TANC1: variants seen among roughly 807,000 people sequenced by gnomAD.
TANC1 encodes the protein protein TANC1.
A neutral mutation model predicts 149.7 loss-of-function variants in TANC1; 77 were observed. The observed-to-expected ratio is 0.51, with a 90% CI of 0.43 to 0.62. The LOEUF (loss-of-function observed/expected upper bound fraction) is 0.62. Among genes scored for constraint, TANC1 ranks in the 20% least tolerant of loss-of-function variants. The pLI is 0.00. For missense variants in TANC1, 1,985 were observed against 2,321.8 expected (o/e 0.85, Z 2.98); for synonymous variants, 854 against 925.0 (o/e 0.92, Z 1.39).
intron 6 of TANC1, 47 bp from the exon 7 acceptor site, chr2:159,150,323 G>A (rs750044295): frequency 1.3e-6 from 2 of 1,497,546 alleles, no homozygotes; most frequent in Non-Finnish European, 1.8e-6. Context: ...ATGTGTCGAA[G>A]CATCCTGTGT....
chr2:159,106,081 T>G (rs2047150637), intron 4 of TANC1, among the ~76,000 whole-genome samples: 1 of 152,216 alleles, frequency 6.6e-6, no homozygotes, highest in African/African-American at 2.4e-5. Flanking sequence ...TTTTCCATTG[T>G]GATTTATTCC....
intron 22 of TANC1, 92 bp from the exon 23 acceptor site, chr2:159,224,140 C>T: frequency 6.9e-7 from 1 of 1,452,346 alleles, no homozygotes; most frequent in Non-Finnish European, 9.5e-7. Flanking sequence ...CATCTAAAAT[C>T]AGAGTGAAGC....
intron 3 of TANC1, among the ~76,000 whole-genome samples, chr2:159,077,436 T>C (rs926490982): frequency 2.5e-4 from 38 of 152,232 alleles, no homozygotes; most frequent in African/African-American, 9.2e-4. Flanking sequence ...TCTCTGCTTC[T>C]CTTTTCGCTC....
At position 159,057,903 on chromosome 2, in the gene TANC1, G is replaced by T. The variant is rs377212228; in HGVS notation, c.-15-7993G>T. Among the ~76,000 whole-genome samples the T allele has an allele frequency of 1.2e-3, 183 of 152,272 alleles. 1 individual carries two copies. Among genetic ancestry groups the T allele is most frequent in the African/African-American group, 4.3e-3 (178 of 41,560 alleles). On this transcript the variant is annotated intron_variant, in intron 2 of 26. Coordinates refer to ENST00000263635, the MANE Select transcript of TANC1 (RefSeq NM_033394.3). Reference sequence around the variant, plus strand: ...ATCTAAACATCTATGTAAATACCTGGATGATATACAGTACTAGTGACAATA... The same window carrying T: ...ATCTAAACATCTATGTAAATACCTGTATGATATACAGTACTAGTGACAATA...
At chr2:159,183,171 C>G (rs566019104) in intron 14 of TANC1, among the ~76,000 whole-genome samples, 2 of 152,160 alleles carry the variant, frequency 1.3e-5, no homozygotes, top group South Asian at 4.1e-4. Flanking sequence ...GTGGCTTGGC[C>G]TCATGGGCAG....
intron 3 of TANC1, among the ~76,000 whole-genome samples, chr2:159,088,849 C>T (rs1042537147): frequency 2.0e-5 from 3 of 152,226 alleles, no homozygotes; most frequent in East Asian, 3.9e-4. Context: ...GGAGGCCAGG[C>T]CATCTTATAT....
rs1330152215 is a variant in TANC1, at chr2:159,040,304, G to A, written c.-15-25592G>A. 3.3e-5 allele frequency among the ~76,000 whole-genome samples: 5 copies of A among 152,132 alleles called. No individual in the cohort carries two copies. In the South Asian group the frequency reaches 6.2e-4, roughly 19 times the overall value. On this transcript the variant is annotated intron_variant, in intron 2 of 26. Transcript: ENST00000263635. Reference sequence around the variant, plus strand: ...GTATTTCCTGAATTTGAATGTTGGCGTGCCTTGCTAGGTTGGGGAAGTTCT... The same window carrying A: ...GTATTTCCTGAATTTGAATGTTGGCATGCCTTGCTAGGTTGGGGAAGTTCT...
intron 5 of TANC1, among the ~76,000 whole-genome samples, chr2:159,146,370 G>A (rs1266017842): frequency 6.6e-6 from 1 of 152,130 alleles, no homozygotes. Context: ...GGAAGCCTTT[G>A]GAAGAATACA....
intron 2 of TANC1, among the ~76,000 whole-genome samples, chr2:159,013,278 G>A (rs937128194): frequency 3.9e-5 from 6 of 152,158 alleles, no homozygotes; most frequent in African/African-American, 1.4e-4. Flanking sequence ...GGACAGTTAC[G>A]TCATATTCCT....
chr2:159,090,758 C>T (rs914246151), intron 3 of TANC1, among the ~76,000 whole-genome samples: 4 of 152,212 alleles, frequency 2.6e-5, no homozygotes, highest in African/African-American at 4.8e-5. Flanking sequence ...CCGGAGCCAG[C>T]GCCACTGTGC....
chr2:159,136,047 T>TGTGTGTGTGTGTGTGTGTGTGAGC, intron 4 of TANC1, 147 bp from the exon 5 acceptor site: 1 of 210,232 alleles, frequency 4.8e-6, no homozygotes, highest in Non-Finnish European at 9.1e-6. Flanking sequence ...TGTGTGTGTG[T>TGTGTGTGTGTGTGTGTGTGTGAGC]GTGCGCGCGC....
chr2:159,182,381 C>T (rs146938398), intron 14 of TANC1, among the ~76,000 whole-genome samples: 201 of 152,118 alleles, frequency 1.3e-3, no homozygotes, highest in African/African-American at 4.2e-3. Context: ...TACTTAACCA[C>T]GCTATTACTG....
At chr2:159,080,253 C>A (rs1174115264) in intron 3 of TANC1, among the ~76,000 whole-genome samples, 1 of 152,204 alleles carries the variant, frequency 6.6e-6, no homozygotes, top group Non-Finnish European at 1.5e-5. Flanking sequence ...AACAGACTTC[C>A]CCTTCCCATA....
chr2:159,003,494 A>T (rs931392092), intron 2 of TANC1, among the ~76,000 whole-genome samples: 14 of 152,210 alleles, frequency 9.2e-5, no homozygotes, highest in African/African-American at 3.4e-4. Context: ...AAGGAACTTC[A>T]TGCAGATTAG....
chr2:159,170,816 G>A lies in TANC1; in HGVS notation c.1351+11G>A. The A allele has an allele frequency of 1.9e-6, 3 of 1,609,816 alleles. No individual in the cohort carries two copies. Among genetic ancestry groups the A allele is most frequent in the Non-Finnish European group, 1.7e-6 (2 of 1,176,324 alleles). ...GTTCATCACCTAAAAGTACGTGCAT[G>A]TTTAATTACTTGTCTAGTTTATTAA... On this transcript the variant is annotated intron_variant, in intron 10 of 26. Coordinates refer to ENST00000263635, the MANE Select transcript of TANC1 (RefSeq NM_033394.3).
intron 2 of TANC1, among the ~76,000 whole-genome samples, chr2:159,026,502 A>G (rs147717567): frequency 5.2e-4 from 79 of 152,134 alleles, no homozygotes; most frequent in African/African-American, 1.8e-3. Context: ...GCTGTTTTCC[A>G]TTGCTATAAC....
Position 159,084,517 on chromosome 2 carries a change from G to A in TANC1, c.62-13120G>A, listed in dbSNP as rs193237376. ...AGGAGTTGAAGTAAGATAAATGGTA[G>A]CAGCTCCCTTTTATTCTCTCCCTTC... On this transcript the variant is annotated intron_variant, in intron 3 of 26. Coordinates refer to ENST00000263635, the MANE Select transcript of TANC1 (RefSeq NM_033394.3). Among the ~76,000 whole-genome samples the A allele has an allele frequency of 4.6e-5, 7 of 152,276 alleles. No individual in the cohort carries two copies. In the East Asian group the frequency reaches 1.3e-3, roughly 29 times the overall value.
chr2:159,142,025 G>T (rs1275419750), intron 5 of TANC1, among the ~76,000 whole-genome samples: 1 of 152,244 alleles, frequency 6.6e-6, no homozygotes, highest in Non-Finnish European at 1.5e-5. Context: ...CAGGAGACTT[G>T]TGAAGGTCTG....
rs1175413683 is a variant in TANC1, at chr2:159,205,701, C to A, written c.3244+6648C>A. Among the ~76,000 whole-genome samples the A allele has an allele frequency of 2.6e-5, 4 of 152,210 alleles. No individual in the cohort carries two copies. The East Asian group carries it at 5.8e-4, about 22-fold the overall frequency. ...ACTATGTGGTATTAGCACAATGATACAATCACCTAACGACTCATTTCTCAG... is the reference window on the plus strand; with the variant it reads ...ACTATGTGGTATTAGCACAATGATAAAATCACCTAACGACTCATTTCTCAG... On this transcript the variant is annotated intron_variant, in intron 19 of 26. Transcript: ENST00000263635.
Sources: gnomAD v4.1 joint callset for allele counts (sites outside exome capture counted in the v4.1 genomes callset) on GRCh38, gnomAD v4.1.1 for gene constraint, MANE v1.5 for transcripts, NCBI Gene and HGNC (gene_info 2026-07-23, HGNC 2026-07-21) for gene names.